PIGF: variants seen among roughly 807,000 people sequenced by gnomAD.
PIGF encodes phosphatidylinositol glycan anchor biosynthesis class F.
PIGF carries 23 observed loss-of-function variants against 26.0 expected under a neutral mutation model. The ratio of observed to expected loss-of-function variants is 0.88; its 90% CI spans 0.64 to 1.25. The LOEUF is 1.25. Among genes scored for constraint, PIGF ranks in the 50% most tolerant of loss-of-function variants. The pLI is 0.00. For missense variants in PIGF, 278 were observed against 249.9 expected, an observed-to-expected ratio of 1.11 and a Z score of -0.76; for synonymous variants, 93 against 92.6, an observed-to-expected ratio of 1.00 and a Z score of -0.03.
intron 5 of PIGF, chr2:46,582,831 T>A (rs1310686833): frequency 6.6e-6 from 1 of 152,600 alleles, no homozygotes; most frequent in Non-Finnish European, 1.5e-5. Context: ...AAGCATCACC[T>A]TCCCATTGAA....
rs201516446 is a variant in PIGF at position 46,613,674 on chromosome 2, G to C, written c.320+20C>G. 4.8e-5 allele frequency: 71 copies of C among 1,473,136 alleles called. No individual in the cohort carries two copies. The African/African-American group carries it at 6.2e-4, about 13-fold the overall frequency. 91.3% of individuals were successfully genotyped at this position (1,473,136 alleles called of 1,614,324 possible). A position where few individuals can be genotyped will look rare whatever the true frequency, so the allele number is the denominator to read the frequency against. On this transcript the variant is annotated intron_variant, in intron 3 of 5. Transcript: ENST00000281382. ...TGAATGTTTTAAAATATAAATTTAG[G>C]GTAAAAATTTCAAACTTACTCTATC...
At chr2:46,615,664 T>A (rs1237888806) in intron 1 of PIGF, 1 of 156,830 alleles carries the variant, frequency 6.4e-6, no homozygotes, top group Non-Finnish European at 1.4e-5. Flanking sequence ...TTTTTACTCT[T>A]GTCTAACATT....
chr2:46,602,441 T>G (rs1670089155), intron 4 of PIGF, among the ~76,000 whole-genome samples: 2 of 151,924 alleles, frequency 1.3e-5, no homozygotes, highest in South Asian at 4.1e-4. Context: ...ATAAACTTAT[T>G]TCACTTAAAA....
At position 46,614,505 on chromosome 2, in the gene PIGF, G is replaced by A. The variant is rs79831352; in HGVS notation, c.228+432C>T. On this transcript the variant is annotated intron_variant, in intron 2 of 5. Coordinates refer to ENST00000281382, the MANE Select transcript of PIGF (RefSeq NM_002643.4). ...GATTCTAATATCTGAAAATTGTTTA[G>A]TCAAGGAAGGCCATGTTGGAAACAA... is the stretch of plus-strand genomic sequence containing the variant. 7.9e-3 allele frequency: 1,241 copies of A among 156,318 alleles called. 12 individuals are homozygous for A. The highest frequency in any genetic ancestry group is 0.027 in the African/African-American group (1,106 of 41,552). The allele number at this position is 156,318 out of a possible 1,614,324, so 9.7% of individuals were successfully genotyped here.
At chr2:46,602,648 A>G (rs1289504963) in intron 4 of PIGF, among the ~76,000 whole-genome samples, 2 of 151,912 alleles carry the variant, frequency 1.3e-5, no homozygotes, top group African/African-American at 4.8e-5. Context: ...AAAAATATTT[A>G]AAGCTCTAAA....
At chr2:46,614,022 A>C (rs11901678) in intron 2 of PIGF, 49,744 of 396,280 alleles carry the variant, frequency 0.13, 5,247 homozygotes, top group African/African-American at 0.39. Flanking sequence ...CATCCGACCT[A>C]CATGAGTCGA....
rs182501239 is a variant in PIGF, at chr2:46,600,379, C to T, written c.438-7796G>A. 5.3e-5 allele frequency among the ~76,000 whole-genome samples: 8 copies of T among 152,178 alleles called. No homozygotes were observed. The East Asian group carries it at 1.2e-3, about 22-fold the overall frequency. On this transcript the variant is annotated intron_variant, in intron 4 of 5. Coordinates refer to ENST00000281382, the MANE Select transcript of PIGF (RefSeq NM_002643.4). Reference sequence around the variant, plus strand: ...AATCTAGTCTACAAAAACCTTTGCACAAGTATACAAAATTATATGGAACAA... The same window carrying T: ...AATCTAGTCTACAAAAACCTTTGCATAAGTATACAAAATTATATGGAACAA...
intron 4 of PIGF, 44 bp from the exon 5 acceptor site, chr2:46,592,627 G>C: frequency 4.3e-6 from 4 of 922,140 alleles, no homozygotes; most frequent in Non-Finnish European, 7.3e-6. Context: ...ATATACATGA[G>C]CTGCTGGAGA....
Position 46,588,127 on chromosome 2 carries a change from C to A in PIGF, c.546+4348G>T, listed in dbSNP as rs1310394802. The A allele has an allele frequency of 6.2e-7, 1 of 1,611,914 alleles. No individual in the cohort carries two copies. Among genetic ancestry groups the A allele is most frequent in the South Asian group, 1.1e-5 (1 of 90,814 alleles). ...TACTCATTTCACAGTACCAAGCCCC[C>A]TGCAGGGTACATGGAGAGATCTATA... On this transcript the variant is annotated intron_variant, in intron 5 of 5. Coordinates refer to ENST00000281382, the MANE Select transcript of PIGF (RefSeq NM_002643.4). The surrounding 1 kb of genome is among the most constrained non-coding windows in gnomAD (Gnocchi z 4.1).
At chr2:46,595,758 G>A (rs1195778157) in intron 4 of PIGF, among the ~76,000 whole-genome samples, 46 of 152,140 alleles carry the variant, frequency 3.0e-4, no homozygotes. Context: ...ACACCCTCCT[G>A]ACACTTGTCA....
intron 4 of PIGF, among the ~76,000 whole-genome samples, chr2:46,604,012 G>GA (rs996429476): frequency 6.6e-5 from 10 of 151,080 alleles, no homozygotes; most frequent in Non-Finnish European, 1.2e-4. Flanking sequence ...ACTCTACAGG[G>GA]AAAAAAAACC....
Position 46,615,078 on chromosome 2 carries a change from G to C in PIGF, c.87C>G (p.Leu29=), listed in dbSNP as rs528843117. ...SIILSVFIPS[L]FLENFSILET... The stretch of plus-strand genomic sequence containing the variant: ...CCAATATTGAGAAGTTCTCCAAGAA[G>C]AGTGATGGAATGAAGACACTTAGGA... Residue 29 remains leucine (L), a synonymous_variant, in exon 2 of 6, where the codon CTC becomes CTG. Coordinates refer to ENST00000281382, the MANE Select transcript of PIGF (RefSeq NM_002643.4). 8.8e-6 allele frequency: 14 copies of C among 1,591,624 alleles called. No individual in the cohort carries two copies. Among genetic ancestry groups the C allele is most frequent in the South Asian group, 4.4e-5 (4 of 90,616 alleles).
At chr2:46,586,631 A>G (rs900471789) in intron 5 of PIGF, among the ~76,000 whole-genome samples, 35 of 152,138 alleles carry the variant, frequency 2.3e-4, no homozygotes, top group African/African-American at 8.4e-4. Flanking sequence ...CTACTTTTCA[A>G]TATGTTTGTT....
intron 5 of PIGF, among the ~76,000 whole-genome samples, chr2:46,584,040 T>G (rs1669489335): frequency 6.6e-6 from 1 of 152,186 alleles, no homozygotes; most frequent in Non-Finnish European, 1.5e-5. Flanking sequence ...AAGTGGAGCT[T>G]GGATTAATGG....
At chr2:46,616,889 G>A in intron 1 of PIGF, 81 bp downstream of exon 1, 2 of 340,092 alleles carry the variant, frequency 5.9e-6, no homozygotes, top group Admixed American at 4.7e-5. Context: ...GGGGCGCCAA[G>A]GCTCAGGGCT....
At chr2:46,600,326 T>TTGTATA (rs764678362) in intron 4 of PIGF, among the ~76,000 whole-genome samples, 38 of 152,322 alleles carry the variant, frequency 2.5e-4, no homozygotes, top group Non-Finnish European at 5.1e-4. Flanking sequence ...TCTGTTAACT[T>TTGTATA]CCTTTGATCT....
At chr2:46,607,890 G>A (rs996406407) in intron 4 of PIGF, among the ~76,000 whole-genome samples, 1 of 152,080 alleles carries the variant, frequency 6.6e-6, no homozygotes, top group Non-Finnish European at 1.5e-5. Flanking sequence ...TAGAGACAGA[G>A]TTTCACCATG....
At chr2:46,610,638 T>C (rs1670382213) in intron 4 of PIGF, among the ~76,000 whole-genome samples, 1 of 150,238 alleles carries the variant, frequency 6.7e-6, no homozygotes, top group Non-Finnish European at 1.5e-5. Flanking sequence ...CAAGCAATTC[T>C]CCTGCCTCAG....
At chr2:46,587,951 G>A in intron 5 of PIGF, 2 of 676,880 alleles carry the variant, frequency 3.0e-6, no homozygotes, top group Non-Finnish European at 4.4e-6. Context: ...GAATCATGGT[G>A]TAGTGGGGCT....
Sources: gnomAD v4.1 joint callset for allele counts (sites outside exome capture counted in the v4.1 genomes callset) on GRCh38, gnomAD v4.1.1 for gene constraint, Gnocchi (gnomAD v3.1) non-coding constraint, MANE v1.5 for transcripts, NCBI Gene and HGNC (gene_info 2026-07-23, HGNC 2026-07-21) for gene names.